The following RIPOR2 variants were observed in gnomAD, a reference collection of about 807,000 sequenced individuals.
The protein encoded by RIPOR2 is RHO family interacting cell polarization regulator 2.
In RIPOR2, 39 loss-of-function variants were observed where a neutral mutation model predicts 114.5. The observed-to-expected ratio is 0.34, with a 90% confidence interval of 0.26 to 0.44. The LOEUF (loss-of-function observed/expected upper bound fraction) is 0.44, where lower values mean the gene tolerates loss of function less well. Ranked by LOEUF, RIPOR2 falls within the 20% of genes least tolerant of loss-of-function variation. The pLI, the probability that RIPOR2 is intolerant of heterozygous loss-of-function variation, is 1.00. For synonymous variants in RIPOR2, 445 were observed against 484.4 expected, an observed-to-expected ratio of 0.92 and a Z score of 1.07; for missense variants, 1,007 against 1,255.1, an observed-to-expected ratio of 0.80 and a Z score of 2.99.
chr6:25,013,343 C>T (rs1380564035), intron 1 of RIPOR2, among the ~76,000 whole-genome samples: 2 of 152,076 alleles, frequency 1.3e-5, no homozygotes, highest in Non-Finnish European at 2.9e-5. Flanking sequence ...CTTGAGGAGC[C>T]AGTAAGTCAA....
At chr6:24,977,677 G>A (rs1208721848) in intron 1 of RIPOR2, among the ~76,000 whole-genome samples, 2 of 152,194 alleles carry the variant, frequency 1.3e-5, no homozygotes, top group African/African-American at 2.4e-5. Context: ...TCAGTGATGG[G>A]AGGGTAGCTA....
At chr6:24,839,030 A>C in intron 14 of RIPOR2, 61 bp downstream of exon 14, 1 of 1,363,848 alleles carries the variant, frequency 7.3e-7, no homozygotes, top group Non-Finnish European at 1.0e-6. Context: ...TGACAGTAAC[A>C]AAGAACTACT....
At chr6:24,893,609 C>T (rs958115438) in intron 1 of RIPOR2, among the ~76,000 whole-genome samples, 3 of 152,226 alleles carry the variant, frequency 2.0e-5, no homozygotes, top group African/African-American at 7.2e-5. Context: ...AGGTTATAAT[C>T]TGACCACACT....
chr6:24,943,263 T>C (rs1208725925), intron 1 of RIPOR2, among the ~76,000 whole-genome samples: 1 of 152,140 alleles, frequency 6.6e-6, no homozygotes, highest in Non-Finnish European at 1.5e-5. Flanking sequence ...ATACTGCATG[T>C]TCTCACTCAT....
intron 8 of RIPOR2, among the ~76,000 whole-genome samples, chr6:24,855,708 G>A (rs1394365541): frequency 6.6e-6 from 1 of 152,136 alleles, no homozygotes; most frequent in East Asian, 1.9e-4. Flanking sequence ...CACACAATGT[G>A]TTTTGCCTTC....
At chr6:25,017,306 A>G (rs1172932445) in intron 1 of RIPOR2, among the ~76,000 whole-genome samples, 1 of 152,096 alleles carries the variant, frequency 6.6e-6, no homozygotes, top group Non-Finnish European at 1.5e-5. Context: ...TGGGTGACAG[A>G]CTCTGTCTCA....
At position 25,019,790 on chromosome 6, in the gene RIPOR2, A is replaced by G. The variant is rs1401284797; in HGVS notation, c.76+22061T>C. Among the ~76,000 whole-genome samples, 38 of 149,962 alleles carry G rather than the reference A, an allele frequency of 2.5e-4. No individual in the cohort carries two copies. In the South Asian group the frequency reaches 6.7e-3, roughly 26 times the overall value. ...ACTCTGTCTCAAAAAAAAAAAAAAA[A>G]AAAAAAAAGAAAAGAAAGAAAGAAA... On this transcript the variant is annotated intron_variant, in intron 1 of 13. Transcript: ENST00000510784.
intron 1 of RIPOR2, among the ~76,000 whole-genome samples, chr6:24,980,374 G>A (rs946312172): frequency 3.9e-5 from 6 of 152,210 alleles, no homozygotes; most frequent in Non-Finnish European, 8.8e-5. Context: ...CACCAAGAGG[G>A]AGTGAAATCA....
At chr6:24,886,132 T>TACACAC (rs34756588) in intron 1 of RIPOR2, among the ~76,000 whole-genome samples, 5 of 151,140 alleles carry the variant, frequency 3.3e-5, no homozygotes, top group African/African-American at 9.7e-5. Context: ...CTCCTCCAAA[T>TACACAC]ACACACACAC....
intron 1 of RIPOR2, among the ~76,000 whole-genome samples, chr6:25,003,557 G>A (rs1276752527): frequency 6.6e-6 from 1 of 151,916 alleles, no homozygotes; most frequent in African/African-American, 2.4e-5. Flanking sequence ...AGCCTCCCAA[G>A]TAGCTGGGAC....
intron 1 of RIPOR2, among the ~76,000 whole-genome samples, chr6:24,914,843 C>A (rs539821225): frequency 3.9e-5 from 6 of 152,308 alleles, no homozygotes; most frequent in African/African-American, 9.6e-5. Context: ...AGAACTTAGA[C>A]CATGCCTGAA....
intron 1 of RIPOR2, among the ~76,000 whole-genome samples, chr6:24,920,468 A>T (rs1314563511): frequency 6.6e-6 from 1 of 152,138 alleles, no homozygotes; most frequent in African/African-American, 2.4e-5. Context: ...TTTCCCTCTG[A>T]TCTTTCCTTA....
rs1406684216 is a variant in RIPOR2, at chr6:24,843,474, C to A, written c.1245G>T (p.Leu415=). The change falls in exon 13 of 22, where the codon CTG becomes CTT. Residue 415 remains leucine (L), a synonymous_variant. Coordinates refer to ENST00000643898, the MANE Select transcript of RIPOR2 (RefSeq NM_001286445.3). ...AGGTGAGGGCGCAGTCCCCGTTGGG[C>A]AGGTCACTGAAGCTGAGCGACAGTG... The part of the protein sequence containing the change: ...KMPLSLSFSD[L]PNGDCALTSH... The A allele has an allele frequency of 6.3e-6, 10 of 1,596,982 alleles. No homozygotes were observed. The highest frequency in any genetic ancestry group is 8.6e-6 in the Non-Finnish European group (10 of 1,167,944).
At chr6:24,944,737 A>C (rs1439798466) in intron 1 of RIPOR2, among the ~76,000 whole-genome samples, 1 of 152,190 alleles carries the variant, frequency 6.6e-6, no homozygotes, top group Non-Finnish European at 1.5e-5. Context: ...AAAGAAATCC[A>C]CAACTAGACA....
chr6:24,877,891 G>A (rs192896406), intron 1 of RIPOR2, among the ~76,000 whole-genome samples: 1 of 152,228 alleles, frequency 6.6e-6, no homozygotes, highest in African/African-American at 2.4e-5. Context: ...CACAGTGGTG[G>A]GGTGGGTAGT....
intron 1 of RIPOR2, among the ~76,000 whole-genome samples, chr6:24,949,447 A>G (rs1044736798): frequency 2.6e-5 from 4 of 152,210 alleles, no homozygotes; most frequent in Non-Finnish European, 5.9e-5. Flanking sequence ...CAGTAGAGTC[A>G]TTAGATTGCC....
At chr6:24,924,841 T>C (rs1488563695) in intron 1 of RIPOR2, among the ~76,000 whole-genome samples, 1 of 152,148 alleles carries the variant, frequency 6.6e-6, no homozygotes, top group African/African-American at 2.4e-5. Flanking sequence ...GCTTTTTCTG[T>C]AAAAAGCTAG....
intron 1 of RIPOR2, among the ~76,000 whole-genome samples, chr6:24,977,406 AT>A (rs34549628): frequency 0.18 from 27,061 of 151,918 alleles, 3,128 homozygotes; most frequent in East Asian, 0.56. Flanking sequence ...CTTTTAAATC[AT>A]AATAAAGGTA....
intron 1 of RIPOR2, among the ~76,000 whole-genome samples, chr6:25,019,934 A>G (rs1161640417): frequency 3.3e-5 from 5 of 151,936 alleles, no homozygotes; most frequent in Non-Finnish European, 7.4e-5. Context: ...ATTAATTGAA[A>G]GAAGACTACC....
Sources: allele counts gnomAD v4.1 joint callset (sites outside exome capture counted in the v4.1 genomes callset), GRCh38; gene constraint gnomAD v4.1.1; transcripts MANE v1.5; gene names NCBI Gene and HGNC (gene_info 2026-07-23, HGNC 2026-07-21).